The following DNAJC11 variants were observed in gnomAD, a reference collection of about 807,000 sequenced individuals.
DNAJC11 encodes dnaJ homolog subfamily C member 11.
In DNAJC11, 15 loss-of-function variants were observed where a neutral mutation model predicts 78.6. The observed-to-expected ratio is 0.19, with a 90% CI of 0.13 to 0.29. The LOEUF is 0.29. Among genes scored for constraint, DNAJC11 ranks in the 10% least tolerant of loss-of-function variants. The probability of loss-of-function intolerance (pLI) is 1.00; values close to 1 mark genes in which losing one functional copy is unlikely to be tolerated. For synonymous variants in DNAJC11, 292 were observed against 272.1 expected, an observed-to-expected ratio of 1.07 and a Z score of -0.72; for missense variants, 547 against 709.6, an observed-to-expected ratio of 0.77 and a Z score of 2.60.
chr1:6,701,520 C>T (rs1642928302), intron 1 of DNAJC11, among the ~76,000 whole-genome samples: 1 of 152,120 alleles, frequency 6.6e-6, no homozygotes, highest in South Asian at 2.1e-4. Context: ...GGAGCTGGGG[C>T]GGAGGCTGGC....
At position 6,635,704 on chromosome 1, in the gene DNAJC11, T is replaced by C; in HGVS notation, c.1655-4A>G. ...CCATCTGTATCGATCCTGTGGGCTGTAAAGGAAAAGACAGACGCAGGTGAT... is the reference window on the plus strand; with the variant it reads ...CCATCTGTATCGATCCTGTGGGCTGCAAAGGAAAAGACAGACGCAGGTGAT... On this transcript the variant is annotated splice_region_variant and splice_polypyrimidine_tract_variant and intron_variant, in intron 15 of 15. Transcript: ENST00000377577. 1 of 1,614,170 alleles carries C rather than the reference T, an allele frequency of 6.2e-7. No individual in the cohort carries two copies. Among genetic ancestry groups the C allele is most frequent in the Non-Finnish European group, 8.5e-7 (1 of 1,180,012 alleles).
chr1:6,649,495 G>T (rs527527039), intron 7 of DNAJC11, among the ~76,000 whole-genome samples: 23 of 152,168 alleles, frequency 1.5e-4, no homozygotes, highest in Non-Finnish European at 2.6e-4. Context: ...GTGCCTAAGC[G>T]GCCTCCGCCT....
intron 3 of DNAJC11, among the ~76,000 whole-genome samples, chr1:6,673,468 G>A (rs190500721): frequency 6.2e-4 from 95 of 152,176 alleles, no homozygotes; most frequent in Non-Finnish European, 1.2e-3. Context: ...AGGGTTAAGC[G>A]ACATCATTTG....
chr1:6,698,922 G>C (rs1275152325), intron 1 of DNAJC11, among the ~76,000 whole-genome samples: 1 of 149,426 alleles, frequency 6.7e-6, no homozygotes, highest in East Asian at 2.0e-4. Context: ...CAGCCTGGGT[G>C]AAGTCTAATT....
chr1:6,654,830 T>A (rs1000378377), intron 4 of DNAJC11, among the ~76,000 whole-genome samples: 6 of 151,198 alleles, frequency 4.0e-5, no homozygotes, highest in Non-Finnish European at 8.8e-5. Flanking sequence ...CCAGGCAACA[T>A]TAGCCATTAG....
In DNAJC11 at chr1:6,681,131, G is replaced by A. The variant is rs986924114; in HGVS notation, c.73-94C>T. The A allele has an allele frequency of 2.6e-5, 35 of 1,324,644 alleles. No homozygotes were observed. The South Asian group carries it at 2.9e-4, about 11-fold the overall frequency. 82.1% of individuals were successfully genotyped at this position (1,324,644 alleles called of 1,614,324 possible). A position where few individuals can be genotyped will look rare whatever the true frequency, so the allele number is the denominator to read the frequency against. ...CTTGAAATGGGAACCCATCAGCCACGTCCCAATGTGTTTGCTCTCGACATA... is the reference window on the plus strand; with the variant it reads ...CTTGAAATGGGAACCCATCAGCCACATCCCAATGTGTTTGCTCTCGACATA... On this transcript the variant is annotated intron_variant, in intron 1 of 15. Coordinates refer to ENST00000377577, the MANE Select transcript of DNAJC11 (RefSeq NM_018198.4).
chr1:6,669,183 T>C (rs1642336338), intron 3 of DNAJC11, among the ~76,000 whole-genome samples: 1 of 146,128 alleles, frequency 6.8e-6, no homozygotes, highest in African/African-American at 2.6e-5. Flanking sequence ...CAAGACTCTC[T>C]CTTAAAAAAA....
intron 3 of DNAJC11, among the ~76,000 whole-genome samples, chr1:6,675,448 C>T (rs1570300134): frequency 6.6e-6 from 1 of 151,878 alleles, no homozygotes; most frequent in Non-Finnish European, 1.5e-5. Flanking sequence ...GACACAGTCT[C>T]ACTGTCACTC....
At chr1:6,665,676 T>C (rs904099185) in intron 4 of DNAJC11, among the ~76,000 whole-genome samples, 1 of 152,128 alleles carries the variant, frequency 6.6e-6, no homozygotes, top group African/African-American at 2.4e-5. Context: ...GCAGACACAT[T>C]TGCATAGAGT....
At chr1:6,697,524 A>G (rs1237086568) in intron 1 of DNAJC11, among the ~76,000 whole-genome samples, 1 of 152,082 alleles carries the variant, frequency 6.6e-6, no homozygotes, top group Non-Finnish European at 1.5e-5. Context: ...GCCACCACCA[A>G]TCTGACAGGC....
At chr1:6,646,232 A>T (rs1219057022) in intron 7 of DNAJC11, among the ~76,000 whole-genome samples, 1 of 152,134 alleles carries the variant, frequency 6.6e-6, no homozygotes, top group African/African-American at 2.4e-5. Flanking sequence ...TAGGCACCTG[A>T]CTGTCTGCAT....
intron 4 of DNAJC11, chr1:6,654,410 T>C (rs1465725994): frequency 1.3e-5 from 2 of 159,330 alleles, no homozygotes; most frequent in Admixed American, 6.3e-5. Flanking sequence ...ATGAGCTACA[T>C]GGATTAAACA....
Position 6,634,302 on chromosome 1 carries a change from C to T in DNAJC11, c.*1373G>A, listed in dbSNP as rs368884220. 8.6e-6 allele frequency: 8 copies of T among 928,486 alleles called. No homozygotes were observed. The highest frequency in any genetic ancestry group is 2.7e-5 in the East Asian group (1 of 36,660). 57.5% of individuals were successfully genotyped at this position (928,486 alleles called of 1,614,324 possible). A position where few individuals can be genotyped will look rare whatever the true frequency, so the allele number is the denominator to read the frequency against. Reference sequence around the variant, plus strand: ...GCCCGGGGCCCAGGCTCATGCAACACGACGCTCACCGCGGCTCGGGCCGTG... The same window carrying T: ...GCCCGGGGCCCAGGCTCATGCAACATGACGCTCACCGCGGCTCGGGCCGTG... On this transcript the variant is annotated 3_prime_UTR_variant, in exon 16 of 16. Transcript: ENST00000377577.
chr1:6,644,394 A>G (rs1641934567), intron 10 of DNAJC11, among the ~76,000 whole-genome samples, 164 bp downstream of exon 10: 1 of 152,200 alleles, frequency 6.6e-6, no homozygotes, highest in African/African-American at 2.4e-5. Flanking sequence ...TTGGCCTCCT[A>G]AAGTGCTGGG....
intron 1 of DNAJC11, among the ~76,000 whole-genome samples, chr1:6,688,091 C>G (rs560709203): frequency 6.6e-6 from 1 of 152,280 alleles, no homozygotes; most frequent in African/African-American, 2.4e-5. Flanking sequence ...CCTTTTCCCA[C>G]CACAATAAGA....
In DNAJC11 at chr1:6,638,331, G is replaced by A. The variant is rs757273974; in HGVS notation, c.1287C>T (p.Thr429=). 7 of 1,613,336 alleles carry A rather than the reference G, an allele frequency of 4.3e-6. No individual in the cohort carries two copies. The East Asian group carries it at 6.7e-5, about 15-fold the overall frequency. ...ELEKQRESAA[T]DVLQKKQEAE... ...CCTCTTGCTTCTTCTGCAGCACATC[G>A]GTGGCGGCGCTTTCCCTCTGCTTCT... The change falls in exon 12 of 16, where the codon ACC becomes ACT. Residue 429 remains threonine, a synonymous_variant. Coordinates refer to ENST00000377577, the MANE Select transcript of DNAJC11 (RefSeq NM_018198.4).
chr1:6,673,195 C>CAAAAAAAAAAA, intron 3 of DNAJC11, among the ~76,000 whole-genome samples: 1 of 39,302 alleles, frequency 2.5e-5, no homozygotes, highest in African/African-American at 1.2e-4. Context: ...AACTCCATCT[C>CAAAAAAAAAAA]AAAAAAAAAA....
rs1372285197 is a variant in DNAJC11 at position 6,637,332 on chromosome 1, T to A, written c.1390A>T (p.Ile464Phe). 3.7e-6 allele frequency: 6 copies of A among 1,614,104 alleles called. No homozygotes were observed. The highest frequency in any genetic ancestry group is 5.1e-6 in the Non-Finnish European group (6 of 1,180,050). Residue 464 changes from isoleucine to phenylalanine, a missense_variant, in exon 14 of 16, where the codon ATC (isoleucine) becomes TTC (phenylalanine). Ile to Phe is a conservative substitution (Grantham distance 21, BLOSUM62 0). Coordinates refer to ENST00000377577, the MANE Select transcript of DNAJC11 (RefSeq NM_018198.4). ...EAEESRMGLIIVNAWYGKFVN... is the reference protein window; with the variant it reads ...EAEESRMGLIFVNAWYGKFVN... ...AACTTCCCGTACCAGGCATTGACGA[T>A]GATGAGGCCTAAGGACAGACTCCGA... is the stretch of plus-strand genomic sequence containing the variant.
chr1:6,691,076 T>C (rs1241795553), intron 1 of DNAJC11, among the ~76,000 whole-genome samples: 3 of 151,776 alleles, frequency 2.0e-5, no homozygotes, highest in Non-Finnish European at 4.4e-5. Flanking sequence ...TTAAGTGAGT[T>C]CTACTTAACA....
Sources: gnomAD v4.1 joint callset for allele counts (sites outside exome capture counted in the v4.1 genomes callset) on GRCh38, gnomAD v4.1.1 for gene constraint, MANE v1.5 for transcripts, NCBI Gene and HGNC (gene_info 2026-07-23, HGNC 2026-07-21) for gene names.